The following RELN variants were observed in gnomAD, a reference collection of about 807,000 sequenced individuals.
The protein encoded by RELN is reelin.
Under a neutral mutation model 427.6 loss-of-function variants are expected in RELN, and 108 were observed. That is an observed-to-expected ratio of 0.25 (90% CI 0.22 to 0.30). The LOEUF (loss-of-function observed/expected upper bound fraction) is 0.30. Ranked by LOEUF, RELN falls within the 10% of genes least tolerant of loss-of-function variation. RELN has a pLI of 1.00. For synonymous variants in RELN, 1,524 were observed against 1,513.4 expected (o/e 1.01, Z -0.16); for missense variants, 3,715 against 4,302.8 (o/e 0.86, Z 3.82).
chr7:103,683,649 A>G (rs1405152455), intron 10 of RELN, among the ~76,000 whole-genome samples: 1 of 152,188 alleles, frequency 6.6e-6, no homozygotes, highest in Non-Finnish European at 1.5e-5. Context: ...CAATCCTATA[A>G]AAGTATAGCA....
chr7:103,598,176 T>C (rs1480590025), intron 24 of RELN, among the ~76,000 whole-genome samples: 1 of 152,164 alleles, frequency 6.6e-6, no homozygotes, highest in Non-Finnish European at 1.5e-5. Flanking sequence ...TAAAGCCAAT[T>C]AAGAGTTTTC....
chr7:103,606,927 G>A (rs988317969), intron 22 of RELN, among the ~76,000 whole-genome samples: 9 of 151,942 alleles, frequency 5.9e-5, no homozygotes, highest in Admixed American at 6.6e-5. Context: ...AAGAACATGC[G>A]GTGTTTGGTT....
At chr7:103,969,499 A>G in intron 1 of RELN, among the ~76,000 whole-genome samples, 1 of 148,010 alleles carries the variant, frequency 6.8e-6, no homozygotes, top group African/African-American at 2.7e-5. Context: ...TTAAAAGATC[A>G]CTGTGTAAAA....
chr7:103,745,028 G>C (rs1213543069), intron 6 of RELN, among the ~76,000 whole-genome samples: 4 of 152,242 alleles, frequency 2.6e-5, no homozygotes, highest in Middle Eastern at 6.8e-3. Flanking sequence ...AAAATACTGG[G>C]AAACCGAATC....
chr7:103,513,442 CACTT>C (rs1829478486), intron 50 of RELN: 1 of 152,118 alleles, frequency 6.6e-6, no homozygotes, highest in Admixed American at 6.5e-5. Flanking sequence ...ATTGTAAACT[CACTT>C]ATGTAAACCA....
intron 3 of RELN, among the ~76,000 whole-genome samples, chr7:103,815,261 T>A (rs1792842764): frequency 6.6e-6 from 1 of 152,214 alleles, no homozygotes; most frequent in Admixed American, 6.5e-5. Context: ...CATATAATCA[T>A]ATGCTGTTTA....
intron 3 of RELN, among the ~76,000 whole-genome samples, chr7:103,800,350 A>G (rs1307774088): frequency 1.3e-5 from 2 of 152,216 alleles, no homozygotes; most frequent in African/African-American, 4.8e-5. Flanking sequence ...TAACAGACAA[A>G]CAGAGAGCCA....
At position 103,989,304 on chromosome 7, in the gene RELN, C is replaced by T. The variant is rs1352208816; in HGVS notation, c.53G>A (p.Gly18Glu). The T allele has an allele frequency of 1.2e-6, 2 of 1,612,394 alleles. No homozygotes were observed. Among genetic ancestry groups the T allele is most frequent in the East Asian group, 4.5e-5 (2 of 44,798 alleles). ...CGCCGCGCGCGCCCTCAGCGTCGCC[C>T]CCAGCAACAGCGCTAGGAGGAAAGT... Reference protein sequence around the residue: ...RQTFLLALLLGATLRARAAAG... With the variant: ...RQTFLLALLLEATLRARAAAG... Residue 18 changes from glycine to glutamate, a missense_variant, in exon 1 of 65, where the codon GGG becomes GAG. By Grantham distance (98) the Gly-to-Glu change is moderately conservative. Transcript: ENST00000428762. This position sits in a 1 kb window ranked among gnomAD's most constrained non-coding sequence, Gnocchi z 4.9.
Position 103,626,290 on chromosome 7 carries a change from A to G in RELN, c.2702+3650T>C, listed in dbSNP as rs941440740. Among the ~76,000 whole-genome samples the G allele has an allele frequency of 1.3e-5, 2 of 152,096 alleles. No homozygotes were observed. Among genetic ancestry groups the G allele is most frequent in the African/African-American group, 2.4e-5 (1 of 41,442 alleles). ...TCAAAGCCTATGTTTCTACCACACC[A>G]TATTTCCTAAAAACAATTGCCAATT... On this transcript the variant is annotated intron_variant, in intron 20 of 64. Coordinates refer to ENST00000428762, the MANE Select transcript of RELN (RefSeq NM_005045.4). This position sits in a 1 kb window ranked among gnomAD's most constrained non-coding sequence, Gnocchi z 4.4.
intron 50 of RELN, 68 bp from the exon 51 acceptor site, chr7:103,511,073 T>C: frequency 1.8e-6 from 2 of 1,105,418 alleles, no homozygotes; most frequent in Non-Finnish European, 2.7e-6. Flanking sequence ...ATTTTCACTT[T>C]AAGCAAGACA....
intron 3 of RELN, among the ~76,000 whole-genome samples, chr7:103,778,358 G>GACACATTTTCTGAAATCACT (rs1791798929): frequency 6.6e-6 from 1 of 152,072 alleles, no homozygotes; most frequent in Admixed American, 6.6e-5. Context: ...CTTTGGAAGG[G>GACACATTTTCTGAAATCACT]ACACATTTTC....
At chr7:103,712,970 T>C (rs892938662) in intron 8 of RELN, among the ~76,000 whole-genome samples, 1 of 152,176 alleles carries the variant, frequency 6.6e-6, no homozygotes, top group Non-Finnish European at 1.5e-5. Context: ...GAAGCTACTG[T>C]TATCTTGGGG....
chr7:103,538,296 T>C (rs362717), intron 45 of RELN, among the ~76,000 whole-genome samples: 93,810 of 152,066 alleles, frequency 0.62, 29,556 homozygotes, highest in Middle Eastern at 0.74. Context: ...GGGGACCTTG[T>C]GAACATTCTA....
chr7:103,941,917 A>G (rs1796123004), intron 1 of RELN, among the ~76,000 whole-genome samples: 1 of 151,768 alleles, frequency 6.6e-6, no homozygotes, highest in African/African-American at 2.4e-5. Context: ...GCTGACATGT[A>G]CATCATAATG....
At chr7:103,706,642 C>T (rs577103896) in intron 8 of RELN, among the ~76,000 whole-genome samples, 2 of 149,512 alleles carry the variant, frequency 1.3e-5, no homozygotes, top group African/African-American at 4.9e-5. Context: ...GTTTCTTTAT[C>T]TTTTTTTTTT....
intron 2 of RELN, among the ~76,000 whole-genome samples, chr7:103,911,942 C>T (rs1375651220): frequency 1.3e-5 from 2 of 150,094 alleles, no homozygotes; most frequent in Non-Finnish European, 3.0e-5. Flanking sequence ...CAGCATGGCA[C>T]ATGTATACAT....
intron 43 of RELN, among the ~76,000 whole-genome samples, chr7:103,541,257 C>A (rs891371283): frequency 4.6e-5 from 7 of 152,164 alleles, no homozygotes; most frequent in African/African-American, 1.7e-4. Flanking sequence ...CACATGTTAT[C>A]TTTGGCAGGC....
intron 1 of RELN, among the ~76,000 whole-genome samples, chr7:103,972,574 A>G: frequency 6.6e-6 from 1 of 152,210 alleles, no homozygotes; most frequent in East Asian, 1.9e-4. Flanking sequence ...GATCCCCATC[A>G]CAATGACTGG....
chr7:103,500,701 C>G (rs1309592903), intron 53 of RELN, 44 bp downstream of exon 53: 2 of 1,604,514 alleles, frequency 1.2e-6, no homozygotes, highest in Non-Finnish European at 1.7e-6. Flanking sequence ...CTAGGCATGA[C>G]CCATGATGTG....
Sources: allele counts gnomAD v4.1 joint callset (sites outside exome capture counted in the v4.1 genomes callset), GRCh38; gene constraint gnomAD v4.1.1; non-coding constraint Gnocchi (gnomAD v3.1); transcripts MANE v1.5; gene names NCBI Gene and HGNC (gene_info 2026-07-23, HGNC 2026-07-21).